CTNND2: variants seen among roughly 807,000 people sequenced by gnomAD.
The protein encoded by CTNND2 is catenin delta 2, also known as catenin delta-2.
CTNND2 carries 22 observed loss-of-function variants against 144.4 expected under a neutral mutation model. That is an observed-to-expected ratio of 0.15 (90% CI 0.11 to 0.22). The LOEUF (loss-of-function observed/expected upper bound fraction) is 0.22, where lower values mean the gene tolerates loss of function less well. Ranked by LOEUF, CTNND2 falls within the 10% of genes least tolerant of loss-of-function variation. CTNND2 has a pLI of 1.00. For missense variants in CTNND2, 1,353 were observed against 1,618.8 expected (o/e 0.84, Z 2.82); for synonymous variants, 751 against 695.6 (o/e 1.08, Z -1.25).
chr5:11,311,134 A>C, intron 9 of CTNND2, among the ~76,000 whole-genome samples: 1 of 136,478 alleles, frequency 7.3e-6, no homozygotes, highest in South Asian at 2.4e-4. Flanking sequence ...ACATGCACAT[A>C]CACTGTCACA....
At chr5:11,823,638 C>T (rs974378582) in intron 1 of CTNND2, among the ~76,000 whole-genome samples, 1 of 151,974 alleles carries the variant, frequency 6.6e-6, no homozygotes, top group Non-Finnish European at 1.5e-5. Flanking sequence ...TTTTATAAGG[C>T]AATGTTCTCA....
chr5:11,162,130 G>C (rs184467718), intron 11 of CTNND2, among the ~76,000 whole-genome samples: 315 of 152,218 alleles, frequency 2.1e-3, no homozygotes, highest in African/African-American at 7.3e-3. Flanking sequence ...TCCAGCCTGG[G>C]TGACAGAGCA....
At chr5:11,724,806 G>A (rs1042619851) in intron 2 of CTNND2, among the ~76,000 whole-genome samples, 11 of 152,156 alleles carry the variant, frequency 7.2e-5, no homozygotes, top group African/African-American at 1.2e-4. Context: ...ACTCCAAGAT[G>A]TGTAACTTGC....
chr5:11,191,580 C>A (rs1432233187), intron 11 of CTNND2, among the ~76,000 whole-genome samples: 5 of 152,158 alleles, frequency 3.3e-5, no homozygotes, highest in Non-Finnish European at 7.3e-5. Context: ...CTGCGGGATG[C>A]CTGGCAGGTC....
chr5:11,448,645 T>G (rs890547039), intron 3 of CTNND2, among the ~76,000 whole-genome samples: 5 of 152,154 alleles, frequency 3.3e-5, no homozygotes, highest in African/African-American at 1.2e-4. Context: ...TTGAAAATGT[T>G]TGTGTTTACA....
chr5:11,491,949 A>T (rs1234942212), intron 3 of CTNND2, among the ~76,000 whole-genome samples: 2 of 152,194 alleles, frequency 1.3e-5, no homozygotes, highest in East Asian at 3.9e-4. Context: ...CATGCATGAA[A>T]ACTTGCTTAG....
At chr5:11,461,905 T>C (rs1297184193) in intron 3 of CTNND2, among the ~76,000 whole-genome samples, 3 of 152,176 alleles carry the variant, frequency 2.0e-5, no homozygotes, top group African/African-American at 7.2e-5. Flanking sequence ...TAAAGTTTTG[T>C]TCATATTGCT....
intron 13 of CTNND2, among the ~76,000 whole-genome samples, chr5:11,112,970 G>A (rs748324600): frequency 9.9e-5 from 15 of 152,068 alleles, no homozygotes; most frequent in South Asian, 2.1e-4. Flanking sequence ...GTGAAACCCC[G>A]TCTCTACTAA....
In CTNND2 at chr5:11,384,632, G is replaced by C; in HGVS notation, c.1177+33C>G. 1.3e-6 allele frequency: 2 copies of C among 1,575,296 alleles called. No homozygotes were observed. ...CTTCCGCGTCCCCGCCACGCGCCCA[G>C]GTGAGTCGCGCCAGGTGGCAGCGAG... On this transcript the variant is annotated intron_variant, in intron 7 of 21. Transcript: ENST00000304623. The surrounding 1 kb of genome is among the most constrained non-coding windows in gnomAD (Gnocchi z 5.2).
chr5:11,026,760 A>G (rs549036331), intron 16 of CTNND2, among the ~76,000 whole-genome samples: 19 of 152,184 alleles, frequency 1.2e-4, no homozygotes, highest in Non-Finnish European at 2.5e-4. Flanking sequence ...TCAGGAACAA[A>G]CAAGAACCTG....
chr5:11,489,462 ATT>A (rs1769181625), intron 3 of CTNND2, among the ~76,000 whole-genome samples: 1 of 152,182 alleles, frequency 6.6e-6, no homozygotes, highest in African/African-American at 2.4e-5. Flanking sequence ...GTTTGCTAGA[ATT>A]TCTTATGCTG....
chr5:11,078,277 A>G (rs1479355620), intron 16 of CTNND2, among the ~76,000 whole-genome samples: 1 of 152,268 alleles, frequency 6.6e-6, no homozygotes, highest in East Asian at 1.9e-4. Context: ...CCACTTGGGT[A>G]CAGTATTTAA....
chr5:11,308,663 C>T (rs1750498132), intron 9 of CTNND2, among the ~76,000 whole-genome samples: 2 of 152,224 alleles, frequency 1.3e-5, no homozygotes, highest in African/African-American at 4.8e-5. Context: ...TAAACATAAA[C>T]TTACCTTCGT....
At chr5:11,748,571 T>C (rs1317369060) in intron 1 of CTNND2, among the ~76,000 whole-genome samples, 1 of 152,104 alleles carries the variant, frequency 6.6e-6, no homozygotes, top group African/African-American at 2.4e-5. Flanking sequence ...TCTTTTAATT[T>C]ACAATTTGTA....
In CTNND2 at chr5:11,903,892, G is replaced by A; in HGVS notation, c.-39C>T. 4 of 1,411,364 alleles carry A rather than the reference G, an allele frequency of 2.8e-6. No individual in the cohort carries two copies. The highest frequency in any genetic ancestry group is 1.5e-5 in the South Asian group (1 of 66,814). 87.4% of individuals were successfully genotyped at this position (1,411,364 alleles called of 1,614,324 possible). The stretch of plus-strand genomic sequence containing the variant: ...GCGACAGCTCCTCAGTCCGGGAAGA[G>A]GCGTGCGCGGCGCCGCCCGGCTTCA... On this transcript the variant is annotated 5_prime_UTR_variant, in exon 1 of 22. Transcript: ENST00000304623. The surrounding 1 kb of genome is among the most constrained non-coding windows in gnomAD (Gnocchi z 5.4).
At chr5:11,663,880 T>TA (rs1783410495) in intron 2 of CTNND2, among the ~76,000 whole-genome samples, 1 of 152,152 alleles carries the variant, frequency 6.6e-6, no homozygotes, top group African/African-American at 2.4e-5. Flanking sequence ...GCTTCTAAAT[T>TA]ATATTAGTTT....
rs144615154 is a variant in CTNND2, at chr5:11,401,573, A to T, written c.440-4370T>A. Among the ~76,000 whole-genome samples, 5 of 152,336 alleles carry T rather than the reference A, an allele frequency of 3.3e-5. No individual in the cohort carries two copies. In the East Asian group the frequency reaches 9.7e-4, roughly 29 times the overall value. ...ATAGATGATGATGACAAAGATGATG[A>T]TGACAGTGACAGTAATGACCAGTTA... On this transcript the variant is annotated intron_variant, in intron 5 of 21. Transcript: ENST00000304623.
intron 3 of CTNND2, among the ~76,000 whole-genome samples, chr5:11,462,844 A>G (rs1333330030): frequency 6.6e-6 from 1 of 152,114 alleles, no homozygotes; most frequent in Non-Finnish European, 1.5e-5. Context: ...ACCACCACCA[A>G]GAAAAGAAAC....
chr5:11,519,223 C>A (rs1381953979), intron 3 of CTNND2, among the ~76,000 whole-genome samples: 2 of 152,172 alleles, frequency 1.3e-5, no homozygotes, highest in Admixed American at 6.5e-5. Flanking sequence ...TTAATAGCAA[C>A]AATTTACAGC....
Sources: allele counts gnomAD v4.1 joint callset (sites outside exome capture counted in the v4.1 genomes callset), GRCh38; gene constraint gnomAD v4.1.1; non-coding constraint Gnocchi (gnomAD v3.1); transcripts MANE v1.5; gene names NCBI Gene and HGNC (gene_info 2026-07-23, HGNC 2026-07-21).